Variants in MAML2 observed in about 807,000 individuals in gnomAD.
The protein encoded by MAML2 is mastermind-like protein 2.
Under a neutral mutation model 96.1 loss-of-function variants are expected in MAML2, and 22 were observed. That is an observed-to-expected ratio of 0.23 (90% confidence interval 0.16 to 0.33). MAML2 has a LOEUF of 0.33. Ranked by LOEUF, MAML2 falls within the 10% of genes least tolerant of loss-of-function variation. The pLI is 1.00. For synonymous variants in MAML2, 561 were observed against 521.3 expected (o/e 1.08, Z -1.04); for missense variants, 1,367 against 1,392.4 (o/e 0.98, Z 0.29).
At chr11:96,041,918 C>A in intron 2 of MAML2, among the ~76,000 whole-genome samples, 1 of 151,822 alleles carries the variant, frequency 6.6e-6, no homozygotes, top group Non-Finnish European at 1.5e-5. Flanking sequence ...AAGCGATTCT[C>A]CTGCCTCAGC....
At chr11:96,162,087 G>A (rs1434047971) in intron 1 of MAML2, among the ~76,000 whole-genome samples, 1 of 151,746 alleles carries the variant, frequency 6.6e-6, no homozygotes, top group African/African-American at 2.4e-5. Context: ...GCCTCTGTCT[G>A]GTTAGAGACA....
At chr11:96,243,622 G>A (rs1862468550) in intron 1 of MAML2, among the ~76,000 whole-genome samples, 1 of 149,534 alleles carries the variant, frequency 6.7e-6, no homozygotes, top group Admixed American at 6.6e-5. Context: ...GAGAAAAGCT[G>A]AAAGTGCCTT....
intron 1 of MAML2, among the ~76,000 whole-genome samples, chr11:96,137,175 A>T (rs1219904916): frequency 2.0e-5 from 3 of 152,206 alleles, no homozygotes; most frequent in African/African-American, 7.2e-5. Context: ...TGCACTTAAT[A>T]TCATAGAAAT....
chr11:96,298,838 C>T lies in MAML2; in HGVS notation c.513+42545G>A, dbSNP rs12574542. Among the ~76,000 whole-genome samples, 2,273 of 146,096 alleles carry T rather than the reference C, an allele frequency of 0.016. 245 individuals carry two copies. The East Asian group carries it at 0.27, about 17-fold the overall frequency. ...AGGGTGGATCACGAGGTCAGGAGAT[C>T]GAGACCATCCTGGCTAACACAGTGA... On this transcript the variant is annotated intron_variant, in intron 1 of 4. Transcript: ENST00000524717.
At chr11:96,047,930 A>AAAAAAG (rs1555001442) in intron 2 of MAML2, among the ~76,000 whole-genome samples, 1,679 of 126,968 alleles carry the variant, frequency 0.013, 74 homozygotes, top group Non-Finnish European at 0.017. Flanking sequence ...AAAAAAAAAA[A>AAAAAAG]AAAAGAAAAA....
intron 1 of MAML2, among the ~76,000 whole-genome samples, chr11:96,113,283 GAGGAA>G (rs1311688617): frequency 1.3e-5 from 2 of 151,848 alleles, no homozygotes; most frequent in African/African-American, 4.8e-5. Context: ...AAATTTCCAT[GAGGAA>G]AATTTCACTG....
rs995823326 is a variant in MAML2, at chr11:96,267,963, G to A, written c.513+73420C>T. 2.5e-4 allele frequency among the ~76,000 whole-genome samples: 38 copies of A among 152,238 alleles called. 1 individual carries two copies. Among genetic ancestry groups the A allele is most frequent in the African/African-American group, 8.4e-4 (35 of 41,528 alleles). On this transcript the variant is annotated intron_variant, in intron 1 of 4. Coordinates refer to ENST00000524717, the MANE Select transcript of MAML2 (RefSeq NM_032427.4). ...TATAGGAAGAGGCATTTGACATAAGGCACCTGTTGAAACAATTTGAAATGT... is the reference window on the plus strand; with the variant it reads ...TATAGGAAGAGGCATTTGACATAAGACACCTGTTGAAACAATTTGAAATGT...
intron 1 of MAML2, among the ~76,000 whole-genome samples, chr11:96,170,958 C>T (rs1042138830): frequency 4.6e-5 from 7 of 151,898 alleles, no homozygotes; most frequent in African/African-American, 7.3e-5. Context: ...TCAAATGATC[C>T]GCCCGCCTCG....
At chr11:96,316,785 G>A (rs1289812511) in intron 1 of MAML2, among the ~76,000 whole-genome samples, 2 of 152,196 alleles carry the variant, frequency 1.3e-5, no homozygotes, top group Admixed American at 1.3e-4. Context: ...ACTCAGTATG[G>A]ACAATACTAG....
chr11:96,198,508 G>T (rs1363896070), intron 1 of MAML2, among the ~76,000 whole-genome samples: 6 of 152,174 alleles, frequency 3.9e-5, no homozygotes, highest in Non-Finnish European at 5.9e-5. Flanking sequence ...TAATCATCAT[G>T]GGGGTAGATG....
At chr11:96,217,273 T>G (rs1862064636) in intron 1 of MAML2, among the ~76,000 whole-genome samples, 1 of 152,144 alleles carries the variant, frequency 6.6e-6, no homozygotes, top group South Asian at 2.1e-4. Context: ...GCCACTCCTG[T>G]GCATTTACTA....
At chr11:96,194,525 A>C (rs138507078) in intron 1 of MAML2, among the ~76,000 whole-genome samples, 142 of 152,358 alleles carry the variant, frequency 9.3e-4, no homozygotes, top group African/African-American at 3.1e-3. Context: ...GCAGGGAAAG[A>C]ATAAATTTGT....
chr11:96,037,136 A>G (rs2135752468), intron 2 of MAML2, among the ~76,000 whole-genome samples: 1 of 152,320 alleles, frequency 6.6e-6, no homozygotes, highest in South Asian at 2.1e-4. Flanking sequence ...CCCACAAGCA[A>G]AACTTTGGCT....
At chr11:96,014,614 T>A (rs976920124) in intron 2 of MAML2, among the ~76,000 whole-genome samples, 1 of 152,234 alleles carries the variant, frequency 6.6e-6, no homozygotes, top group Admixed American at 6.5e-5. Context: ...TCTAACTGGT[T>A]CTGTGTTATC....
At chr11:96,058,909 C>T (rs1047489436) in intron 2 of MAML2, among the ~76,000 whole-genome samples, 1 of 152,120 alleles carries the variant, frequency 6.6e-6, no homozygotes, top group African/African-American at 2.4e-5. Context: ...TGGTAAAACC[C>T]TGTCTCTACT....
intron 1 of MAML2, among the ~76,000 whole-genome samples, chr11:96,221,522 C>G (rs939636422): frequency 2.6e-5 from 4 of 152,062 alleles, no homozygotes; most frequent in African/African-American, 7.2e-5. Flanking sequence ...AATTATTACT[C>G]TGGGGAAAGC....
At chr11:96,140,724 C>T (rs1404084799) in intron 1 of MAML2, among the ~76,000 whole-genome samples, 1 of 152,180 alleles carries the variant, frequency 6.6e-6, no homozygotes, top group African/African-American at 2.4e-5. Flanking sequence ...ACAGATACCT[C>T]CAGAGTCTAG....
chr11:95,992,016 A>G (rs1857922232), intron 2 of MAML2, among the ~76,000 whole-genome samples: 1 of 152,228 alleles, frequency 6.6e-6, no homozygotes, highest in Non-Finnish European at 1.5e-5. Context: ...AAAGAAAACT[A>G]CCATAAAAAC....
intron 1 of MAML2, among the ~76,000 whole-genome samples, chr11:96,113,730 A>G (rs1860175896): frequency 6.6e-6 from 1 of 152,112 alleles, no homozygotes; most frequent in Non-Finnish European, 1.5e-5. Context: ...TTTGGCCCCT[A>G]GGGAACATAG....
Sources: gnomAD v4.1 joint callset for allele counts (sites outside exome capture counted in the v4.1 genomes callset) on GRCh38, gnomAD v4.1.1 for gene constraint, MANE v1.5 for transcripts, NCBI Gene and HGNC (gene_info 2026-07-23, HGNC 2026-07-21) for gene names.